Variants in POMP observed in about 807,000 individuals in gnomAD.
POMP encodes the protein 2510048O06Rik.
A neutral mutation model predicts 20.6 loss-of-function variants in POMP; 12 were observed. The observed-to-expected ratio is 0.58, with a 90% confidence interval of 0.37 to 0.94. The LOEUF (loss-of-function observed/expected upper bound fraction) is 0.94, where lower values mean the gene tolerates loss of function less well. POMP is among the 40% of genes least tolerant of loss of function. The probability of loss-of-function intolerance (pLI) is 0.01; values close to 1 mark genes in which losing one functional copy is unlikely to be tolerated. For synonymous variants in POMP, 53 were observed against 55.0 expected (o/e 0.96, Z 0.16); for missense variants, 136 against 161.1 (o/e 0.84, Z 0.84).
intron 3 of POMP, 51 bp downstream of exon 3, chr13:28,664,620 T>G: frequency 9.2e-7 from 1 of 1,084,702 alleles, no homozygotes; most frequent in Non-Finnish European, 1.4e-6. Flanking sequence ...ATAAATACTT[T>G]TACTAATATT....
At chr13:28,669,987 A>G (rs1252346557) in intron 4 of POMP, among the ~76,000 whole-genome samples, 3 of 152,066 alleles carry the variant, frequency 2.0e-5, no homozygotes, top group Admixed American at 1.3e-4. Context: ...GTGCACACCT[A>G]TAGTCCCAGC....
chr13:28,662,358 T>C lies in POMP; in HGVS notation c.4-52T>C, dbSNP rs1884357731. 3 of 1,337,374 alleles carry C rather than the reference T, an allele frequency of 2.2e-6. No homozygotes were observed. The African/African-American group carries it at 4.3e-5, about 19-fold the overall frequency. The allele number at this position is 1,337,374 out of a possible 1,614,324, so 82.8% of individuals were successfully genotyped here. On this transcript the variant is annotated intron_variant, in intron 1 of 5. Transcript: ENST00000380842. Reference sequence around the variant, plus strand: ...AATATTTTTGACACAGCTGCCTGGGTGTGTGTTTAAATTTTTTTTCTATTT... The same window carrying C: ...AATATTTTTGACACAGCTGCCTGGGCGTGTGTTTAAATTTTTTTTCTATTT...
At chr13:28,672,786 C>T (rs1754991) in intron 5 of POMP, among the ~76,000 whole-genome samples, 41,785 of 151,928 alleles carry the variant, frequency 0.28, 7,141 homozygotes, top group African/African-American at 0.47. Context: ...TCTAAGAGTA[C>T]ATAGTCATTT....
In POMP at chr13:28,678,380, G is replaced by C. The variant is rs1448319970; in HGVS notation, c.*278G>C. ...ATGAATATTATAAAATGATCTACAG[G>C]TTTCAATTCAACCTGTTTCTAGGTT... On this transcript the variant is annotated 3_prime_UTR_variant, in exon 6 of 6. Transcript: ENST00000380842. The C allele has an allele frequency of 5.5e-6, 2 of 361,662 alleles. No homozygotes were observed. Among genetic ancestry groups the C allele is most frequent in the African/African-American group, 2.1e-5 (1 of 47,814 alleles). 22.4% of individuals were successfully genotyped at this position (361,662 alleles called of 1,614,324 possible).
rs771652313 is a variant in POMP, at chr13:28,659,164, C to T, written c.-21C>T. Reference sequence around the variant, plus strand: ...GACTGACGGTAACGGGGCAGAGAGGCTGTTCGCAGAGCTGCGGAAGATGGT... The same window carrying T: ...GACTGACGGTAACGGGGCAGAGAGGTTGTTCGCAGAGCTGCGGAAGATGGT... On this transcript the variant is annotated 5_prime_UTR_variant, in exon 1 of 6. Transcript: ENST00000380842. 1.3e-6 allele frequency: 2 copies of T among 1,583,802 alleles called. No individual in the cohort carries two copies. The highest frequency in any genetic ancestry group is 1.7e-6 in the Non-Finnish European group (2 of 1,165,948).
At chr13:28,677,488 G>A (rs966351067) in intron 5 of POMP, among the ~76,000 whole-genome samples, 3 of 152,104 alleles carry the variant, frequency 2.0e-5, no homozygotes, top group African/African-American at 7.2e-5. Flanking sequence ...GTTCTTTTAG[G>A]TGTATAATCA....
At chr13:28,667,567 T>C (rs1330051801) in intron 3 of POMP, among the ~76,000 whole-genome samples, 1 of 152,246 alleles carries the variant, frequency 6.6e-6, no homozygotes, top group Non-Finnish European at 1.5e-5. Context: ...TTAGTCACCT[T>C]ACTTTCAAAC....
At chr13:28,663,246 A>C (rs776567059) in intron 2 of POMP, among the ~76,000 whole-genome samples, 1 of 152,046 alleles carries the variant, frequency 6.6e-6, no homozygotes, top group African/African-American at 2.4e-5. Context: ...TCCCCCATAA[A>C]CATTTTGTGT....
chr13:28,660,261 C>T (rs570111560), intron 1 of POMP, among the ~76,000 whole-genome samples: 1 of 152,352 alleles, frequency 6.6e-6, no homozygotes, highest in East Asian at 1.9e-4. Flanking sequence ...CAACAATCTT[C>T]TGACTTTATG....
intron 1 of POMP, 68 bp downstream of exon 1, chr13:28,659,255 G>C (rs1404826823): frequency 1.3e-6 from 2 of 1,554,682 alleles, no homozygotes; most frequent in Non-Finnish European, 1.7e-6. Flanking sequence ...GAAACAGGCA[G>C]TCGCCTCCCA....
chr13:28,674,850 G>T (rs78731002), intron 5 of POMP, among the ~76,000 whole-genome samples: 2 of 152,008 alleles, frequency 1.3e-5, no homozygotes, highest in African/African-American at 4.8e-5. Context: ...ACCAGCCTGG[G>T]TAAGATGAGA....
chr13:28,673,183 G>C (rs1463812970), intron 5 of POMP, among the ~76,000 whole-genome samples: 1 of 150,416 alleles, frequency 6.6e-6, no homozygotes, highest in Non-Finnish European at 1.5e-5. Flanking sequence ...CAATTCTCCT[G>C]CCTCAGCCTC....
chr13:28,661,247 T>C (rs1884334574), intron 1 of POMP, among the ~76,000 whole-genome samples: 1 of 152,100 alleles, frequency 6.6e-6, no homozygotes, highest in Non-Finnish European at 1.5e-5. Context: ...GGAAGATGGC[T>C]TGAGCACAGG....
At chr13:28,666,532 T>C (rs1884450584) in intron 3 of POMP, among the ~76,000 whole-genome samples, 1 of 152,246 alleles carries the variant, frequency 6.6e-6, no homozygotes, top group African/African-American at 2.4e-5. Context: ...TCTTCTTCTT[T>C]AATCATTTAG....
At chr13:28,665,689 AATAGG>A (rs1884431915) in intron 3 of POMP, among the ~76,000 whole-genome samples, 1 of 152,240 alleles carries the variant, frequency 6.6e-6, no homozygotes, top group Admixed American at 6.5e-5. Flanking sequence ...GTGAGCATTT[AATAGG>A]GTAAGCAGTG....
chr13:28,674,116 AAGAACTCTGAACGGTTTG>A (rs1340231425), intron 5 of POMP, among the ~76,000 whole-genome samples: 1 of 152,232 alleles, frequency 6.6e-6, no homozygotes, highest in Non-Finnish European at 1.5e-5. Flanking sequence ...AGAACAGCTG[AAGAACTCTGAACGGTTTG>A]AGATCTTACT....
chr13:28,661,701 T>C (rs1032698304), intron 1 of POMP, among the ~76,000 whole-genome samples: 2 of 152,250 alleles, frequency 1.3e-5, no homozygotes, highest in Non-Finnish European at 2.9e-5. Context: ...TTTTTTACTT[T>C]GTTTTATACT....
intron 4 of POMP, 89 bp downstream of exon 4, chr13:28,668,663 CTT>C: frequency 9.9e-7 from 1 of 1,012,712 alleles, no homozygotes; most frequent in Non-Finnish European, 1.5e-6. Context: ...CCTTATCTAC[CTT>C]ACAACCTATT....
intron 2 of POMP, among the ~76,000 whole-genome samples, chr13:28,663,070 C>T (rs1056138746): frequency 2.0e-5 from 3 of 152,148 alleles, no homozygotes; most frequent in African/African-American, 7.2e-5. Context: ...TAGAAGCACT[C>T]AGTATGTATT....
Sources: gnomAD v4.1 joint callset for allele counts (sites outside exome capture counted in the v4.1 genomes callset) on GRCh38, gnomAD v4.1.1 for gene constraint, MANE v1.5 for transcripts, NCBI Gene and HGNC (gene_info 2026-07-23, HGNC 2026-07-21) for gene names.